Variants in RSRC1 observed in about 807,000 individuals in gnomAD.
The protein encoded by RSRC1 is arginine and serine rich coiled-coil 1, also known as serine/Arginine-related protein 53.
In RSRC1, 39 loss-of-function variants were observed where a neutral mutation model predicts 49.1. The observed-to-expected ratio is 0.79, with a 90% CI of 0.61 to 1.04. The LOEUF (loss-of-function observed/expected upper bound fraction) is 1.04, where lower values mean the gene tolerates loss of function less well. RSRC1 is among the 50% of genes least tolerant of loss of function. The pLI is 0.00. For synonymous variants in RSRC1, 143 were observed against 130.8 expected (o/e 1.09, Z -0.63); for missense variants, 388 against 402.4 (o/e 0.96, Z 0.31).
chr3:158,366,724 A>G (rs1181258846), intron 6 of RSRC1, among the ~76,000 whole-genome samples: 2 of 152,124 alleles, frequency 1.3e-5, no homozygotes, highest in Non-Finnish European at 1.5e-5. Context: ...CATTGAATCT[A>G]TAAATTACTT....
intron 6 of RSRC1, among the ~76,000 whole-genome samples, chr3:158,424,023 G>A (rs1461684734): frequency 6.6e-6 from 1 of 151,090 alleles, no homozygotes; most frequent in Non-Finnish European, 1.5e-5. Flanking sequence ...TGCAAACAGG[G>A]ACAATTTGAC....
chr3:158,237,180 A>G (rs1428699748), intron 4 of RSRC1, among the ~76,000 whole-genome samples: 3 of 152,194 alleles, frequency 2.0e-5, no homozygotes, highest in African/African-American at 7.2e-5. Flanking sequence ...TGAGGCTATT[A>G]TGACAAATGC....
chr3:158,367,592 G>A (rs1005893390), intron 6 of RSRC1, among the ~76,000 whole-genome samples: 2 of 152,068 alleles, frequency 1.3e-5, no homozygotes, highest in Non-Finnish European at 2.9e-5. Context: ...ATCCACTATG[G>A]CCTAAAATTT....
At chr3:158,494,598 T>G (rs1739228307) in intron 7 of RSRC1, among the ~76,000 whole-genome samples, 1 of 152,228 alleles carries the variant, frequency 6.6e-6, no homozygotes. Flanking sequence ...ACTTTTTAGC[T>G]CTTCTGCAAT....
intron 6 of RSRC1, among the ~76,000 whole-genome samples, chr3:158,415,801 A>G (rs1326387831): frequency 6.6e-6 from 1 of 152,000 alleles, no homozygotes; most frequent in Non-Finnish European, 1.5e-5. Context: ...AAAATAAATT[A>G]TTGTTATAAT....
intron 7 of RSRC1, among the ~76,000 whole-genome samples, chr3:158,506,877 T>C (rs1045454986): frequency 6.7e-6 from 1 of 149,866 alleles, no homozygotes; most frequent in Non-Finnish European, 1.5e-5. Context: ...TATATGTATA[T>C]GTTTATTTTA....
At chr3:158,458,321 A>G (rs558794454) in intron 6 of RSRC1, among the ~76,000 whole-genome samples, 1 of 152,242 alleles carries the variant, frequency 6.6e-6, no homozygotes, top group Non-Finnish European at 1.5e-5. Flanking sequence ...GCAAAAATAG[A>G]AAAAAATGGT....
intron 3 of RSRC1, among the ~76,000 whole-genome samples, chr3:158,160,879 G>A (rs145150440): frequency 5.3e-5 from 8 of 152,202 alleles, no homozygotes; most frequent in Non-Finnish European, 1.0e-4. Context: ...TTCTAAGTCT[G>A]TATATTACCT....
intron 6 of RSRC1, among the ~76,000 whole-genome samples, chr3:158,394,147 T>C (rs28820925): frequency 0.61 from 92,587 of 151,766 alleles, 29,144 homozygotes; most frequent in African/African-American, 0.75. Context: ...ATTCACGGGA[T>C]ATACCTCAAA....
chr3:158,525,938 A>G (rs967844873), intron 7 of RSRC1, among the ~76,000 whole-genome samples: 2 of 151,926 alleles, frequency 1.3e-5, no homozygotes, highest in Non-Finnish European at 2.9e-5. Flanking sequence ...AACAATGGAC[A>G]TGTTCTATAT....
chr3:158,178,040 C>G (rs1485258155), intron 3 of RSRC1, among the ~76,000 whole-genome samples: 1 of 152,184 alleles, frequency 6.6e-6, no homozygotes, highest in Non-Finnish European at 1.5e-5. Flanking sequence ...TTAGCACCTT[C>G]TTTTTGTTAT....
At chr3:158,460,656 A>G (rs906854863) in intron 6 of RSRC1, among the ~76,000 whole-genome samples, 3 of 151,852 alleles carry the variant, frequency 2.0e-5, no homozygotes, top group African/African-American at 7.2e-5. Context: ...ACTTTTCCCA[A>G]TTCATATGTC....
chr3:158,536,609 G>T (rs1231330034), intron 7 of RSRC1, among the ~76,000 whole-genome samples: 1 of 151,442 alleles, frequency 6.6e-6, no homozygotes, highest in Non-Finnish European at 1.5e-5. Context: ...GTTCTTATCT[G>T]TTGGAGATGC....
intron 3 of RSRC1, among the ~76,000 whole-genome samples, chr3:158,198,860 A>G (rs2108273973): frequency 6.6e-6 from 1 of 152,276 alleles, no homozygotes; most frequent in South Asian, 2.1e-4. Context: ...TGGGTTTATG[A>G]TCCAATATTC....
intron 4 of RSRC1, among the ~76,000 whole-genome samples, chr3:158,231,678 A>G (rs886380408): frequency 6.6e-6 from 1 of 152,074 alleles, no homozygotes; most frequent in African/African-American, 2.4e-5. Flanking sequence ...ATTGCCTTTG[A>G]TCAAAGCAAC....
In RSRC1 at chr3:158,353,992, TTTC is replaced by T. The variant is rs1285561907; in HGVS notation, c.532-862_532-860del. On this transcript the variant is annotated intron_variant, in intron 5 of 9. Coordinates refer to ENST00000611884, the MANE Select transcript of RSRC1 (RefSeq NM_001271838.2). ...TGGTAGGAAATTAGTTTAGTTTCTT[TTTC>T]TTTTTTTTTTTTTTTTTTTTTGAGA... Among the ~76,000 whole-genome samples the T allele has an allele frequency of 7.9e-5, 10 of 127,370 alleles. No homozygotes were observed. In the South Asian group the frequency reaches 2.3e-3, roughly 29 times the overall value. The allele number at this position is 127,370 out of a possible 152,430, so 83.6% of individuals were successfully genotyped here.
intron 6 of RSRC1, among the ~76,000 whole-genome samples, chr3:158,382,150 C>G (rs1732738234): frequency 6.6e-6 from 1 of 152,042 alleles, no homozygotes; most frequent in South Asian, 2.1e-4. Context: ...TACACAGGGT[C>G]AGGATTATTA....
chr3:158,502,841 C>T (rs1037407718), intron 7 of RSRC1, among the ~76,000 whole-genome samples: 3 of 152,144 alleles, frequency 2.0e-5, no homozygotes, highest in Non-Finnish European at 2.9e-5. Context: ...AATAACTAAC[C>T]TCCTGAATTC....
chr3:158,197,290 G>A (rs1388783292), intron 3 of RSRC1, among the ~76,000 whole-genome samples: 1 of 152,202 alleles, frequency 6.6e-6, no homozygotes, highest in Non-Finnish European at 1.5e-5. Context: ...TATTTGCATA[G>A]AGGTGTTTAT....
Sources: gnomAD v4.1 joint callset for allele counts (sites outside exome capture counted in the v4.1 genomes callset) on GRCh38, gnomAD v4.1.1 for gene constraint, MANE v1.5 for transcripts, NCBI Gene and HGNC (gene_info 2026-07-23, HGNC 2026-07-21) for gene names.